Variants in RGS7 observed in about 807,000 individuals in gnomAD.
RGS7 encodes regulator of G protein signaling 7.
Under a neutral mutation model 81.1 loss-of-function variants are expected in RGS7, and 27 were observed. That is an observed-to-expected ratio of 0.33 (90% CI 0.25 to 0.46). The LOEUF is 0.46. RGS7 is among the 20% of genes least tolerant of loss of function. The pLI is 1.00. For missense variants in RGS7, 396 were observed against 607.4 expected, an observed-to-expected ratio of 0.65 and a Z score of 3.66; for synonymous variants, 208 against 207.7, an observed-to-expected ratio of 1.00 and a Z score of -0.01.
chr1:240,909,977 C>T (rs1402786606), intron 6 of RGS7, among the ~76,000 whole-genome samples: 2 of 152,154 alleles, frequency 1.3e-5, no homozygotes, highest in Non-Finnish European at 2.9e-5. Flanking sequence ...GGTAGCCCTG[C>T]TTTATTAAAG....
chr1:240,982,954 G>A (rs1422143288), intron 4 of RGS7, 125 bp downstream of exon 4: 1 of 627,676 alleles, frequency 1.6e-6, no homozygotes, highest in Non-Finnish European at 2.9e-6. Flanking sequence ...TAAAAGCACA[G>A]TTCAAACTGA....
intron 2 of RGS7, among the ~76,000 whole-genome samples, chr1:241,201,486 C>T (rs1386179118): frequency 2.0e-5 from 3 of 152,166 alleles, no homozygotes; most frequent in African/African-American, 7.2e-5. Context: ...ACTGTTCCTG[C>T]ATTTCCATAA....
rs561128128 is a variant in RGS7 at position 241,232,845 on chromosome 1, G to A, written c.78+122854C>T. On this transcript the variant is annotated intron_variant, in intron 2 of 18. Coordinates refer to ENST00000440928, the MANE Select transcript of RGS7 (RefSeq NM_001364886.1). The stretch of plus-strand genomic sequence containing the variant: ...CACATCCATGTTTGTAGTTTTCAGT[G>A]TGTACTTCTTGCACTTCTTTTCTTA... Among the ~76,000 whole-genome samples, 10 of 152,216 alleles carry A rather than the reference G, an allele frequency of 6.6e-5. No homozygotes were observed. In the South Asian group the frequency reaches 1.4e-3, roughly 22 times the overall value.
intron 4 of RGS7, among the ~76,000 whole-genome samples, chr1:240,937,738 G>A (rs1334919983): frequency 6.6e-6 from 1 of 152,106 alleles, no homozygotes; most frequent in Non-Finnish European, 1.5e-5. Context: ...TAATGATATG[G>A]ACCATTATTT....
chr1:241,272,040 C>A (rs1177506544), intron 2 of RGS7, among the ~76,000 whole-genome samples: 2 of 150,166 alleles, frequency 1.3e-5, no homozygotes, highest in Non-Finnish European at 1.5e-5. Flanking sequence ...GTCGCACAGG[C>A]TGGAGTGCAG....
intron 2 of RGS7, among the ~76,000 whole-genome samples, chr1:241,281,496 ACAC>A (rs2078510656): frequency 6.6e-6 from 1 of 152,210 alleles, no homozygotes; most frequent in South Asian, 2.1e-4. Flanking sequence ...ACGCTGAATA[ACAC>A]CATGGGACCC....
intron 4 of RGS7, 143 bp from the exon 5 acceptor site, chr1:240,936,849 T>C (rs1676717862): frequency 1.0e-5 from 7 of 680,252 alleles, no homozygotes; most frequent in Non-Finnish European, 1.8e-5. Flanking sequence ...CCTTGTTCTT[T>C]GCTCTCGAGA....
chr1:240,837,592 C>A (rs1694931517), intron 9 of RGS7, among the ~76,000 whole-genome samples: 1 of 152,130 alleles, frequency 6.6e-6, no homozygotes, highest in Admixed American at 6.5e-5. Flanking sequence ...CATCAAACAC[C>A]TTAAACATTT....
At chr1:240,820,450 T>A (rs573006618) in intron 10 of RGS7, among the ~76,000 whole-genome samples, 1 of 152,162 alleles carries the variant, frequency 6.6e-6, no homozygotes, top group African/African-American at 2.4e-5. Flanking sequence ...ACTAGAAAAA[T>A]TATCCCGTTT....
intron 6 of RGS7, among the ~76,000 whole-genome samples, chr1:240,898,067 C>T (rs925299475): frequency 5.3e-5 from 8 of 152,196 alleles, no homozygotes; most frequent in South Asian, 2.1e-4. Context: ...AGTTTATTTG[C>T]GTAGAGGTGT....
chr1:241,161,498 A>G (rs1008967987), intron 2 of RGS7, among the ~76,000 whole-genome samples: 1 of 129,916 alleles, frequency 7.7e-6, no homozygotes. Context: ...TAATAATTAT[A>G]TTATTATAAC....
intron 18 of RGS7, among the ~76,000 whole-genome samples, chr1:240,789,635 T>C (rs1169988298): frequency 6.6e-6 from 1 of 152,238 alleles, no homozygotes; most frequent in African/African-American, 2.4e-5. Context: ...TGGTCTCCTG[T>C]AGCGCTCCCA....
chr1:240,998,866 G>T (rs554989393), intron 3 of RGS7: 2 of 451,168 alleles, frequency 4.4e-6, no homozygotes, highest in South Asian at 2.0e-5. Context: ...GCTGAGGAAA[G>T]GTTCTTCAAG....
chr1:241,096,886 T>C (rs2064291951), intron 3 of RGS7, among the ~76,000 whole-genome samples: 1 of 152,122 alleles, frequency 6.6e-6, no homozygotes, highest in Non-Finnish European at 1.5e-5. Flanking sequence ...AACTGACCAG[T>C]TCCCAGTGCA....
chr1:241,130,299 A>T (rs900111189), intron 2 of RGS7, among the ~76,000 whole-genome samples: 2 of 152,070 alleles, frequency 1.3e-5, no homozygotes, highest in Admixed American at 6.6e-5. Context: ...TTTTCCAGGG[A>T]TTAATTTGAG....
chr1:241,184,029 G>A (rs2071873909), intron 2 of RGS7, among the ~76,000 whole-genome samples: 1 of 152,196 alleles, frequency 6.6e-6, no homozygotes, highest in Non-Finnish European at 1.5e-5. Context: ...CTCACCTGTG[G>A]ATCCTGGAAG....
intron 6 of RGS7, among the ~76,000 whole-genome samples, chr1:240,910,002 T>TCTTCTGTCC (rs535149123): frequency 2.0e-4 from 30 of 152,322 alleles, no homozygotes; most frequent in Admixed American, 1.1e-3. Context: ...GCAGACGTGC[T>TCTTCTGTCC]CTTCTGTCCC....
At chr1:241,317,360 G>T (rs1443650376) in intron 2 of RGS7, among the ~76,000 whole-genome samples, 1 of 152,150 alleles carries the variant, frequency 6.6e-6, no homozygotes, top group Non-Finnish European at 1.5e-5. Context: ...TTAGCAATTG[G>T]CTCCTGTGAA....
At chr1:240,805,215 C>CAAA (rs34255194) in intron 15 of RGS7, among the ~76,000 whole-genome samples, 4 of 148,882 alleles carry the variant, frequency 2.7e-5, no homozygotes, top group Non-Finnish European at 5.9e-5. Flanking sequence ...CCTGTCTCTA[C>CAAA]AAAAAAAAAT....
Sources: gnomAD v4.1 joint callset for allele counts (sites outside exome capture counted in the v4.1 genomes callset) on GRCh38, gnomAD v4.1.1 for gene constraint, MANE v1.5 for transcripts, NCBI Gene and HGNC (gene_info 2026-07-23, HGNC 2026-07-21) for gene names.